The following FOXP1 variants were observed in gnomAD, a reference collection of about 807,000 sequenced individuals.
FOXP1 encodes forkhead box P1.
In FOXP1, 15 loss-of-function variants were observed where a neutral mutation model predicts 98.2. The observed-to-expected ratio is 0.15, with a 90% CI of 0.10 to 0.24. The LOEUF (loss-of-function observed/expected upper bound fraction) is 0.24. Among genes scored for constraint, FOXP1 ranks in the 10% least tolerant of loss-of-function variants. The pLI, the probability that FOXP1 is intolerant of heterozygous loss-of-function variation, is 1.00. For missense variants in FOXP1, 633 were observed against 848.5 expected (o/e 0.75, Z 3.15); for synonymous variants, 371 against 314.5 (o/e 1.18, Z -1.90).
At chr3:71,391,374 A>G (rs1449619123) in intron 3 of FOXP1, among the ~76,000 whole-genome samples, 1 of 152,244 alleles carries the variant, frequency 6.6e-6, no homozygotes, top group Non-Finnish European at 1.5e-5. Context: ...TTCCAAATAA[A>G]AATGAGTTTA....
rs1397585705 is a variant in FOXP1, at chr3:71,205,762, C to T, written c.-11-7370G>A. Among the ~76,000 whole-genome samples, 12 of 152,248 alleles carry T rather than the reference C, an allele frequency of 7.9e-5. No homozygotes were observed. The East Asian group carries it at 1.5e-3, about 20-fold the overall frequency. ...CGCAGGAGGTGCAGGGCTTGGTACA[C>T]GTAAGCAAAGGCAAGATGCATTTGA... On this transcript the variant is annotated intron_variant, in intron 5 of 20. Transcript: ENST00000649528.
At chr3:71,505,883 C>T (rs1033987379) in intron 2 of FOXP1, among the ~76,000 whole-genome samples, 2 of 152,210 alleles carry the variant, frequency 1.3e-5, no homozygotes, top group African/African-American at 4.8e-5. Flanking sequence ...TTATCACTTC[C>T]GCCCGGAAGC....
At chr3:71,028,052 T>C (rs75680263) in intron 11 of FOXP1, among the ~76,000 whole-genome samples, 2 of 152,026 alleles carry the variant, frequency 1.3e-5, no homozygotes, top group South Asian at 2.1e-4. Flanking sequence ...ATGAAAGGAA[T>C]AGAGTGAGAG....
At chr3:71,087,273 G>A (rs2055224642) in intron 7 of FOXP1, among the ~76,000 whole-genome samples, 2 of 152,184 alleles carry the variant, frequency 1.3e-5, no homozygotes, top group South Asian at 4.1e-4. Flanking sequence ...GTGGGTCAGA[G>A]AACAGAACTC....
chr3:71,300,354 T>C (rs1281510554), intron 4 of FOXP1, among the ~76,000 whole-genome samples: 3 of 152,318 alleles, frequency 2.0e-5, no homozygotes, highest in Non-Finnish European at 4.4e-5. Flanking sequence ...CCTTTCAAAA[T>C]GAATGAAAGC....
chr3:71,207,918 A>T (rs1383391792), intron 5 of FOXP1, among the ~76,000 whole-genome samples: 1 of 152,230 alleles, frequency 6.6e-6, no homozygotes, highest in Non-Finnish European at 1.5e-5. Context: ...TTAACTAGAA[A>T]TGATACAAAG....
intron 4 of FOXP1, among the ~76,000 whole-genome samples, chr3:71,345,875 A>T (rs1328522287): frequency 2.5e-5 from 2 of 79,786 alleles, no homozygotes; most frequent in African/African-American, 9.0e-5. Context: ...TTTTTGTAAA[A>T]AAAAAAAAAA....
chr3:71,208,275 C>T (rs2064194689), intron 5 of FOXP1, among the ~76,000 whole-genome samples: 1 of 152,020 alleles, frequency 6.6e-6, no homozygotes, highest in Non-Finnish European at 1.5e-5. Context: ...GTTTGTTCCA[C>T]AAAGAAATTT....
intron 4 of FOXP1, among the ~76,000 whole-genome samples, chr3:71,322,592 G>A (rs2075454486): frequency 6.6e-6 from 1 of 152,118 alleles, no homozygotes; most frequent in Non-Finnish European, 1.5e-5. Context: ...CAGGTGGAGC[G>A]AGGCACACAT....
In FOXP1 at chr3:70,955,626, C is replaced by T; in HGVS notation, c.*3621G>A. 4.3e-6 allele frequency: 1 copy of T among 232,574 alleles called. No homozygotes were observed. Among genetic ancestry groups the T allele is most frequent in the Middle Eastern group, 1.3e-3 (1 of 784 alleles). 14.4% of individuals were successfully genotyped at this position (232,574 alleles called of 1,614,324 possible). On this transcript the variant is annotated 3_prime_UTR_variant, in exon 21 of 21. Transcript: ENST00000649528. ...TTTTGACACTCCCCATTGTTAATCA[C>T]TACTTCACTGATAAACTTGGAAAAG...
intron 11 of FOXP1, among the ~76,000 whole-genome samples, chr3:71,028,695 A>C (rs1422916444): frequency 6.6e-6 from 1 of 152,366 alleles, no homozygotes; most frequent in East Asian, 1.9e-4. Context: ...TTTATCATGC[A>C]TTTATTTCTA....
chr3:71,467,588 T>C (rs1215594971), intron 3 of FOXP1, among the ~76,000 whole-genome samples: 3 of 152,234 alleles, frequency 2.0e-5, no homozygotes, highest in African/African-American at 7.2e-5. Context: ...AACGTCTTTA[T>C]AAGATAGTTG....
At chr3:71,031,951 G>A (rs919114878) in intron 11 of FOXP1, among the ~76,000 whole-genome samples, 8 of 152,158 alleles carry the variant, frequency 5.3e-5, no homozygotes, top group South Asian at 2.1e-4. Context: ...AGTTAACCAC[G>A]TGCTTCAAAA....
chr3:71,114,365 G>A (rs908869700), intron 6 of FOXP1, among the ~76,000 whole-genome samples: 9 of 152,210 alleles, frequency 5.9e-5, no homozygotes, highest in Non-Finnish European at 1.3e-4. Flanking sequence ...TAATGTTCAT[G>A]AGCAGACACG....
At chr3:71,115,802 C>T (rs1352585314) in intron 6 of FOXP1, among the ~76,000 whole-genome samples, 2 of 145,840 alleles carry the variant, frequency 1.4e-5, no homozygotes, top group Non-Finnish European at 3.0e-5. Flanking sequence ...AGTAGTGCAA[C>T]CTCGGTTCAC....
chr3:71,427,350 G>T (rs761129106), intron 3 of FOXP1, among the ~76,000 whole-genome samples: 1 of 152,200 alleles, frequency 6.6e-6, no homozygotes, highest in African/African-American at 2.4e-5. Flanking sequence ...GGACACACGC[G>T]CAGGAGAGTG....
intron 3 of FOXP1, among the ~76,000 whole-genome samples, chr3:71,439,912 C>T (rs1438020391): frequency 1.4e-5 from 2 of 145,872 alleles, no homozygotes; most frequent in African/African-American, 2.6e-5. Flanking sequence ...CACCATTGCA[C>T]ACTCCAGCCT....
intron 12 of FOXP1, among the ~76,000 whole-genome samples, chr3:71,011,253 T>C (rs967780039): frequency 1.3e-5 from 2 of 152,138 alleles, no homozygotes; most frequent in African/African-American, 2.4e-5. Context: ...CCAGCCCCCA[T>C]GTGGTTCACG....
At chr3:71,313,918 T>C (rs749128574) in intron 4 of FOXP1, among the ~76,000 whole-genome samples, 2 of 152,180 alleles carry the variant, frequency 1.3e-5, no homozygotes, top group Non-Finnish European at 2.9e-5. Flanking sequence ...TAGACTAGAA[T>C]AGTTCAGAAT....
Sources: gnomAD v4.1 joint callset for allele counts (sites outside exome capture counted in the v4.1 genomes callset) on GRCh38, gnomAD v4.1.1 for gene constraint, MANE v1.5 for transcripts, NCBI Gene and HGNC (gene_info 2026-07-23, HGNC 2026-07-21) for gene names.